The following GIT2 variants were observed in gnomAD, a reference collection of about 807,000 sequenced individuals.
GIT2 encodes ARF GTPase-activating protein GIT2.
In GIT2, 32 loss-of-function variants were observed where a neutral mutation model predicts 100.3. That is an observed-to-expected ratio of 0.32 (90% confidence interval 0.24 to 0.43). The LOEUF (loss-of-function observed/expected upper bound fraction) is 0.43. Among genes scored for constraint, GIT2 ranks in the 20% least tolerant of loss-of-function variants. The pLI is 1.00. For missense variants in GIT2, 737 were observed against 975.1 expected (o/e 0.76, Z 3.25); for synonymous variants, 353 against 364.1 (o/e 0.97, Z 0.35).
chr12:109,945,276 TC>T lies in GIT2; in HGVS notation c.1714del (p.Asp572ThrfsTer87). On this transcript the variant is annotated frameshift_variant, in exon 16 of 20. Coordinates refer to ENST00000355312, the MANE Select transcript of GIT2 (RefSeq NM_057169.5). LOFTEE classifies it high-confidence loss of function. ...GTACTTAACCCTTCGGGCGCTTTCG[TC>T]CCTCGACCAGGAAAGTGTGGAGGGG... ...SFPSTLSWSR[D>X]ESARRASRLE... 1 of 1,558,578 alleles carries T rather than the reference TC, an allele frequency of 6.4e-7. No homozygotes were observed. Among genetic ancestry groups the T allele is most frequent in the Non-Finnish European group, 8.9e-7 (1 of 1,129,712 alleles).
intron 12 of GIT2, among the ~76,000 whole-genome samples, chr12:109,958,860 T>G (rs114168480): frequency 0.015 from 2,213 of 152,304 alleles, 61 homozygotes; most frequent in African/African-American, 0.052. Context: ...TTCCTAAGCA[T>G]GCAGACAGGA....
Position 109,993,229 on chromosome 12 carries a change from T to C in GIT2, c.53-1469A>G, listed in dbSNP as rs567245153. Among the ~76,000 whole-genome samples, 3 of 152,082 alleles carry C rather than the reference T, an allele frequency of 2.0e-5. No individual in the cohort carries two copies. The South Asian group carries it at 6.2e-4, about 32-fold the overall frequency. On this transcript the variant is annotated intron_variant, in intron 1 of 19. Transcript: ENST00000355312. ...AAACTGAATACCTAGAAACCTCAAA[T>C]AAAGAAAGAGCTATACTTCGTCAGA...
At chr12:109,968,616 T>C (rs929150855) in intron 7 of GIT2, among the ~76,000 whole-genome samples, 5 of 151,912 alleles carry the variant, frequency 3.3e-5, no homozygotes, top group African/African-American at 4.8e-5. Context: ...AAAGATGGGG[T>C]TTCTCCACGT....
intron 15 of GIT2, among the ~76,000 whole-genome samples, chr12:109,946,140 A>T (rs1392593398): frequency 6.6e-6 from 1 of 152,202 alleles, no homozygotes; most frequent in Non-Finnish European, 1.5e-5. Context: ...TCTCAAAAAA[A>T]AAAGATTCTT....
intron 4 of GIT2, among the ~76,000 whole-genome samples, chr12:109,986,925 A>C (rs1887506761): frequency 1.3e-5 from 2 of 151,596 alleles, no homozygotes; most frequent in South Asian, 4.2e-4. Flanking sequence ...CCATTGCACT[A>C]CAGCCTGGAC....
intron 14 of GIT2, among the ~76,000 whole-genome samples, chr12:109,949,976 A>G (rs184698511): frequency 6.6e-6 from 1 of 152,372 alleles, no homozygotes; most frequent in East Asian, 1.9e-4. Flanking sequence ...GCTGCACGGC[A>G]GCCCTAGACA....
At chr12:109,935,096 C>A (rs1479417772) in intron 18 of GIT2, among the ~76,000 whole-genome samples, 1 of 152,020 alleles carries the variant, frequency 6.6e-6, no homozygotes, top group Non-Finnish European at 1.5e-5. Context: ...AAAAAGACTG[C>A]CTACATTTTA....
At chr12:109,995,250 T>C (rs368210082) in intron 1 of GIT2, among the ~76,000 whole-genome samples, 1 of 152,222 alleles carries the variant, frequency 6.6e-6, no homozygotes, top group Non-Finnish European at 1.5e-5. Context: ...GTGAATATTA[T>C]GTATGAACAG....
rs572815161 is a variant in GIT2 at position 109,933,361 on chromosome 12, G to A, written c.2068-171C>T. On this transcript the variant is annotated intron_variant, in intron 19 of 19. Transcript: ENST00000355312. The surrounding 1 kb of genome is among the most constrained non-coding windows in gnomAD (Gnocchi z 4.5). ...CACTCCAAGCTTTGCAGCCCACAGC[G>A]TAAGAGATGCTGAAATATTCTGATT... 1.8e-5 allele frequency: 10 copies of A among 557,606 alleles called. No individual in the cohort carries two copies. The highest frequency in any genetic ancestry group is 2.8e-5 in the East Asian group (1 of 35,240). 34.5% of individuals were successfully genotyped at this position (557,606 alleles called of 1,614,324 possible).
upstream of GIT2, chr12:109,996,539 C>G (rs28364568): frequency 4.4e-5 from 17 of 386,666 alleles, no homozygotes; most frequent in East Asian, 7.0e-4. Flanking sequence ...TTCCCCTCGT[C>G]CCAACTGATT....
intron 9 of GIT2, among the ~76,000 whole-genome samples, chr12:109,964,906 G>C (rs1881950539): frequency 6.6e-6 from 1 of 152,112 alleles, no homozygotes; most frequent in African/African-American, 2.4e-5. Flanking sequence ...AGGGCCTTGA[G>C]GCCTTGGGCC....
rs947516472 is a variant in GIT2, at chr12:109,934,177, C to G, written c.2004-92G>C. On this transcript the variant is annotated intron_variant, in intron 18 of 19. Transcript: ENST00000355312. This position sits in a 1 kb window ranked among gnomAD's most constrained non-coding sequence, Gnocchi z 4.5. ...TGCTAGAACAGATTCTGTTTACATTCCCTTCATGAAGGGGCTAGGGCTGCA... is the reference window on the plus strand; with the variant it reads ...TGCTAGAACAGATTCTGTTTACATTGCCTTCATGAAGGGGCTAGGGCTGCA... 2.6e-6 allele frequency: 2 copies of G among 776,178 alleles called. No individual in the cohort carries two copies. Among genetic ancestry groups the G allele is most frequent in the Non-Finnish European group, 4.7e-6 (2 of 426,904 alleles). The allele number at this position is 776,178 out of a possible 1,614,324, so 48.1% of individuals were successfully genotyped here.
chr12:109,971,882 T>C (rs891070788), intron 7 of GIT2, among the ~76,000 whole-genome samples: 1 of 151,474 alleles, frequency 6.6e-6, no homozygotes, highest in African/African-American at 2.4e-5. Context: ...TAATCTCAGC[T>C]ACATGGGAGG....
chr12:109,964,630 C>G (rs1205367388), intron 9 of GIT2, among the ~76,000 whole-genome samples: 4 of 102,124 alleles, frequency 3.9e-5, no homozygotes, highest in African/African-American at 2.1e-4. Flanking sequence ...GACACACACA[C>G]ACACACACAC....
chr12:109,984,663 T>A (rs1309951844), intron 4 of GIT2, among the ~76,000 whole-genome samples: 1 of 151,814 alleles, frequency 6.6e-6, no homozygotes, highest in Non-Finnish European at 1.5e-5. Context: ...CCCAGGCTGA[T>A]CTCGAACTTA....
intron 4 of GIT2, among the ~76,000 whole-genome samples, chr12:109,984,865 A>C (rs1052388809): frequency 2.6e-5 from 4 of 152,186 alleles, no homozygotes; most frequent in Non-Finnish European, 4.4e-5. Context: ...AGGACTTCAA[A>C]TTCTACACTG....
intron 12 of GIT2, 135 bp downstream of exon 12, chr12:109,959,712 T>TA (rs1159532936): frequency 1.3e-5 from 8 of 629,314 alleles, no homozygotes; most frequent in East Asian, 1.1e-4. Context: ...GAACTTAAAG[T>TA]AAAAAAACAA....
chr12:109,996,272 A>AGGC lies in GIT2; in HGVS notation c.-51_-49dup. On this transcript the variant is annotated 5_prime_UTR_variant, in exon 1 of 20. Coordinates refer to ENST00000355312, the MANE Select transcript of GIT2 (RefSeq NM_057169.5). Reference sequence around the variant, plus strand: ...GGAACTAGAGGCCGGGGGACAGCAAAGGCGGCGGTGGCGGCGGCGCTTCCG... The same window carrying AGGC: ...GGAACTAGAGGCCGGGGGACAGCAAAGGCGGCGGCGGTGGCGGCGGCGCTTCCG... 7.3e-7 allele frequency: 1 copy of AGGC among 1,371,796 alleles called. No homozygotes were observed. Among genetic ancestry groups the AGGC allele is most frequent in the South Asian group, 1.3e-5 (1 of 77,716 alleles). 85.0% of individuals were successfully genotyped at this position (1,371,796 alleles called of 1,614,324 possible). A position where few individuals can be genotyped will look rare whatever the true frequency, so the allele number is the denominator to read the frequency against.
At chr12:109,983,751 C>T in intron 4 of GIT2, 57 bp from the exon 5 acceptor site, 2 of 1,068,578 alleles carry the variant, frequency 1.9e-6, no homozygotes, top group Non-Finnish European at 2.9e-6. Context: ...GAATGATGTC[C>T]TAGGGCAGCT....
Sources: gnomAD v4.1 joint callset for allele counts (sites outside exome capture counted in the v4.1 genomes callset) on GRCh38, gnomAD v4.1.1 for gene constraint, Gnocchi (gnomAD v3.1) non-coding constraint, MANE v1.5 for transcripts, NCBI Gene and HGNC (gene_info 2026-07-23, HGNC 2026-07-21) for gene names.